ARHGEF18: variants seen among roughly 807,000 people sequenced by gnomAD.
ARHGEF18 encodes rho guanine nucleotide exchange factor 18.
Under a neutral mutation model 155.7 loss-of-function variants are expected in ARHGEF18, and 93 were observed. The observed-to-expected ratio is 0.60, with a 90% CI of 0.50 to 0.71. The LOEUF is 0.71. Among genes scored for constraint, ARHGEF18 ranks in the 30% least tolerant of loss-of-function variants. The pLI is 0.00. For missense variants in ARHGEF18, 1,593 were observed against 1,816.1 expected (o/e 0.88, Z 2.23); for synonymous variants, 742 against 753.1 (o/e 0.99, Z 0.24).
Position 7,350,889 on chromosome 19 carries a change from C to T in ARHGEF18, c.-111+1648C>T, listed in dbSNP as rs145083987. Among the ~76,000 whole-genome samples the T allele has an allele frequency of 3.2e-3, 483 of 151,678 alleles. 3 individuals are homozygous for T. The highest frequency in any genetic ancestry group is 0.011 in the African/African-American group (460 of 41,378). Reference sequence around the variant, plus strand: ...TGCAATCTCAGCTCACTGCAACCTCCGCCTCTCGGGTTTAAGCAATTCTCC... The same window carrying T: ...TGCAATCTCAGCTCACTGCAACCTCTGCCTCTCGGGTTTAAGCAATTCTCC... On this transcript the variant is annotated intron_variant, in intron 1 of 28. Coordinates refer to ENST00000668164, the MANE Select transcript of ARHGEF18 (RefSeq NM_001367823.1).
At chr19:7,447,293 G>A (rs971156139) in intron 15 of ARHGEF18, 125 bp downstream of exon 15, 47 of 833,380 alleles carry the variant, frequency 5.6e-5, no homozygotes, top group East Asian at 4.6e-4. Context: ...GATCGAGACC[G>A]TCCTGGCCAA....
chr19:7,473,770 A>G (rs75925030), downstream of ARHGEF18, among the ~76,000 whole-genome samples: 24,984 of 143,024 alleles, frequency 0.17, 2,524 homozygotes, highest in Non-Finnish European at 0.23. Context: ...AGATTGCGCC[A>G]CTGCACTCAG....
intron 10 of ARHGEF18, 185 bp downstream of exon 10, chr19:7,383,388 C>T (rs1477271723): frequency 1.5e-5 from 8 of 522,962 alleles, no homozygotes; most frequent in Middle Eastern, 5.3e-4. Context: ...TGGGCTAACT[C>T]GGGACTGGCA....
intron 7 of ARHGEF18, among the ~76,000 whole-genome samples, chr19:7,380,465 C>T (rs1393547480): frequency 2.9e-5 from 4 of 139,176 alleles, no homozygotes; most frequent in African/African-American, 1.1e-4. Context: ...GGTGACAGAG[C>T]GAGACTCCAT....
chr19:7,443,055 A>ATTTTT (rs10600280), intron 13 of ARHGEF18, among the ~76,000 whole-genome samples: 9 of 81,190 alleles, frequency 1.1e-4, no homozygotes, highest in East Asian at 3.8e-4. Context: ...TGCCCAGCTA[A>ATTTTT]TTTTTTTTTT....
downstream of ARHGEF18, among the ~76,000 whole-genome samples, chr19:7,476,138 C>G (rs1166199909): frequency 6.6e-6 from 1 of 152,222 alleles, no homozygotes; most frequent in Non-Finnish European, 1.5e-5. Flanking sequence ...TGGTGAGACC[C>G]TGTCTCTACA....
intron 14 of ARHGEF18, among the ~76,000 whole-genome samples, chr19:7,446,428 G>C: frequency 6.6e-6 from 1 of 151,902 alleles, no homozygotes; most frequent in East Asian, 1.9e-4. Context: ...TTTTAGCAGA[G>C]TCAGACAAAT....
Position 7,468,829 on chromosome 19 carries a change from A to G in ARHGEF18, c.3485A>G (p.Gln1162Arg). ...TATCTGCTGTTGTCCCCTCAGGCCC[A>G]GCCCCCAAGCCACCCTCCCAGCTTC... ...ALPPDTLAEA[Q>R]PPSHPPSFNG... is the part of the protein sequence containing the mutation. The change falls in exon 27 of 29, where the codon CAG becomes CGG. Residue 1162 changes from glutamine to arginine, a missense_variant. Transcript: ENST00000668164. The G allele has an allele frequency of 1.3e-6, 2 of 1,552,142 alleles. No individual in the cohort carries two copies. The highest frequency in any genetic ancestry group is 1.7e-6 in the Non-Finnish European group (2 of 1,144,568).
Position 7,441,895 on chromosome 19 carries a change from C to G in ARHGEF18, c.1220-17C>G, listed in dbSNP as rs1257734608. 6.2e-7 allele frequency: 1 copy of G among 1,613,860 alleles called. No homozygotes were observed. Among genetic ancestry groups the G allele is most frequent in the East Asian group, 2.2e-5 (1 of 44,868 alleles). On this transcript the variant is annotated splice_polypyrimidine_tract_variant and intron_variant, in intron 12 of 28. Coordinates refer to ENST00000668164, the MANE Select transcript of ARHGEF18 (RefSeq NM_001367823.1). ...TGGCTCTGGGCCCCCAGCAGCCACA[C>G]CTCGCTCTTCCCTCAGATCCCTACA...
Position 7,395,274 on chromosome 19 carries a change from A to G in ARHGEF18, c.967+12071A>G. ...TGAGGACGGCGGCGGGGCGGTCCCG[A>G]GGAAAACGGGGCTCAGGAGGGGGCC... On this transcript the variant is annotated intron_variant, in intron 10 of 28. Transcript: ENST00000668164. The surrounding 1 kb of genome is among the most constrained non-coding windows in gnomAD (Gnocchi z 5.0). The G allele has an allele frequency of 1.0e-6, 1 of 985,836 alleles. No homozygotes were observed. Among genetic ancestry groups the G allele is most frequent in the South Asian group, 4.7e-5 (1 of 21,300 alleles). The allele number at this position is 985,836 out of a possible 1,614,324, so 61.1% of individuals were successfully genotyped here. A position where few individuals can be genotyped will look rare whatever the true frequency, so the allele number is the denominator to read the frequency against.
Position 7,462,354 on chromosome 19 carries a change from C to T in ARHGEF18, c.2635+20C>T, listed in dbSNP as rs1296027921. The T allele has an allele frequency of 6.4e-7, 1 of 1,565,282 alleles. No individual in the cohort carries two copies. Among genetic ancestry groups the T allele is most frequent in the Admixed American group, 1.8e-5 (1 of 54,142 alleles). ...GCGAGAGTAAGTTGGCTGCCCACACCTCAAGGGTGCAGTCTTGCCGGGGTG... is the reference window on the plus strand; with the variant it reads ...GCGAGAGTAAGTTGGCTGCCCACACTTCAAGGGTGCAGTCTTGCCGGGGTG... On this transcript the variant is annotated intron_variant, in intron 21 of 28. Transcript: ENST00000668164. This position sits in a 1 kb window ranked among gnomAD's most constrained non-coding sequence, Gnocchi z 4.4.
Position 7,385,887 on chromosome 19 carries a change from C to T in ARHGEF18, c.967+2684C>T, listed in dbSNP as rs1189263505. 7.8e-4 allele frequency among the ~76,000 whole-genome samples: 32 copies of T among 41,032 alleles called. 3 individuals carry two copies. The highest frequency in any genetic ancestry group is 4.4e-3 in the African/African-American group (26 of 5,952). The allele number at this position is 41,032 out of a possible 152,430, so 26.9% of individuals were successfully genotyped here. ...TCTCTCTCTCCCCCCTCCCTCTCTC[C>T]CTCCCTCCCTCTCTCTCTCCCTCTC... is the stretch of plus-strand genomic sequence containing the variant. On this transcript the variant is annotated intron_variant, in intron 10 of 28. Coordinates refer to ENST00000668164, the MANE Select transcript of ARHGEF18 (RefSeq NM_001367823.1).
At chr19:7,370,853 G>A (rs575238050) in intron 2 of ARHGEF18, among the ~76,000 whole-genome samples, 7 of 151,978 alleles carry the variant, frequency 4.6e-5, no homozygotes, top group Non-Finnish European at 7.4e-5. Context: ...GATTCCACTC[G>A]TAGGAGGTCT....
chr19:7,451,299 T>G, intron 16 of ARHGEF18, 33 bp downstream of exon 16: 1 of 1,594,506 alleles, frequency 6.3e-7, no homozygotes, highest in Non-Finnish European at 8.6e-7. Flanking sequence ...CGCCCGCCCG[T>G]GCTGCTGCAG....
At chr19:7,403,000 G>A (rs1306377610) in intron 10 of ARHGEF18, among the ~76,000 whole-genome samples, 1 of 152,102 alleles carries the variant, frequency 6.6e-6, no homozygotes. Flanking sequence ...CTTTTACAGT[G>A]TACAATTCAA....
chr19:7,447,539 C>T lies in ARHGEF18; in HGVS notation c.1737+371C>T, dbSNP rs534489623. Among the ~76,000 whole-genome samples, 184 of 151,830 alleles carry T rather than the reference C, an allele frequency of 1.2e-3. 1 individual carries two copies. Among genetic ancestry groups the T allele is most frequent in the African/African-American group, 4.4e-3 (180 of 41,372 alleles). Reference sequence around the variant, plus strand: ...AACAAAAAGCAAAAAAAAAAACTTACATTCTTCACTGTGGGGTTTTTCCAC... The same window carrying T: ...AACAAAAAGCAAAAAAAAAAACTTATATTCTTCACTGTGGGGTTTTTCCAC... On this transcript the variant is annotated intron_variant, in intron 15 of 28. Coordinates refer to ENST00000668164, the MANE Select transcript of ARHGEF18 (RefSeq NM_001367823.1).
At chr19:7,385,961 T>C (rs1025985759) in intron 10 of ARHGEF18, among the ~76,000 whole-genome samples, 8 of 73,978 alleles carry the variant, frequency 1.1e-4, no homozygotes, top group Non-Finnish European at 1.6e-4. Flanking sequence ...TCTCTCTCCC[T>C]CCCCCTCTCT....
intron 10 of ARHGEF18, among the ~76,000 whole-genome samples, chr19:7,427,463 A>G (rs547111785): frequency 4.5e-4 from 69 of 151,760 alleles, no homozygotes; most frequent in Non-Finnish European, 7.4e-4. Flanking sequence ...TGGGCAACAT[A>G]GCAAGACCGT....
intron 13 of ARHGEF18, among the ~76,000 whole-genome samples, chr19:7,443,938 G>A (rs1035916137): frequency 6.6e-5 from 10 of 151,744 alleles, no homozygotes; most frequent in East Asian, 5.8e-4. Flanking sequence ...TTAAAATGTC[G>A]TCCGTTGGGT....
Sources: gnomAD v4.1 joint callset for allele counts (sites outside exome capture counted in the v4.1 genomes callset) on GRCh38, gnomAD v4.1.1 for gene constraint, Gnocchi (gnomAD v3.1) non-coding constraint, MANE v1.5 for transcripts, NCBI Gene and HGNC (gene_info 2026-07-23, HGNC 2026-07-21) for gene names.